The following NTM variants were observed in gnomAD, a reference collection of about 807,000 sequenced individuals.
NTM encodes IgLON family member 2.
NTM carries 13 observed loss-of-function variants against 42.1 expected under a neutral mutation model. The ratio of observed to expected loss-of-function variants is 0.31; its 90% confidence interval spans 0.20 to 0.49. The LOEUF (loss-of-function observed/expected upper bound fraction) is 0.49, where lower values mean the gene tolerates loss of function less well. Among genes scored for constraint, NTM ranks in the 20% least tolerant of loss-of-function variants. The pLI is 0.99. For missense variants in NTM, 373 were observed against 452.8 expected, an observed-to-expected ratio of 0.82 and a Z score of 1.60; for synonymous variants, 187 against 179.2, an observed-to-expected ratio of 1.04 and a Z score of -0.35.
intron 1 of NTM, among the ~76,000 whole-genome samples, chr11:131,482,066 C>T (rs1953656604): frequency 6.6e-6 from 1 of 152,176 alleles, no homozygotes; most frequent in Non-Finnish European, 1.5e-5. Context: ...TATAATTAAC[C>T]TAGTTGGAAT....
chr11:131,850,529 T>G (rs982805203), intron 1 of NTM, among the ~76,000 whole-genome samples: 3 of 152,200 alleles, frequency 2.0e-5, no homozygotes, highest in African/African-American at 7.2e-5. Flanking sequence ...TTTCCTTTCC[T>G]TAAAATGAAA....
At chr11:132,219,146 C>T (rs184142538) in intron 4 of NTM, among the ~76,000 whole-genome samples, 13 of 152,258 alleles carry the variant, frequency 8.5e-5, no homozygotes, top group Non-Finnish European at 1.8e-4. Flanking sequence ...CTTCCATCCC[C>T]CCTACTTCTT....
At chr11:131,757,167 T>C (rs1016029208) in intron 1 of NTM, among the ~76,000 whole-genome samples, 5 of 152,322 alleles carry the variant, frequency 3.3e-5, no homozygotes, top group African/African-American at 1.2e-4. Context: ...TTCCACCCAA[T>C]AGGCCCAGTG....
chr11:132,235,918 G>A (rs2088752690), intron 4 of NTM, among the ~76,000 whole-genome samples: 1 of 151,662 alleles, frequency 6.6e-6, no homozygotes, highest in African/African-American at 2.4e-5. Context: ...GACCCTTTTT[G>A]GAATACATGT....
chr11:131,991,911 A>G (rs752677462), intron 2 of NTM, among the ~76,000 whole-genome samples: 2 of 150,630 alleles, frequency 1.3e-5, no homozygotes, highest in Non-Finnish European at 3.0e-5. Flanking sequence ...AGGTAAAGAC[A>G]GAAGTCATAT....
At chr11:132,283,288 A>G (rs1225567284) in intron 4 of NTM, among the ~76,000 whole-genome samples, 4 of 152,244 alleles carry the variant, frequency 2.6e-5, no homozygotes, top group Admixed American at 6.5e-5. Context: ...CCGGGTCAAC[A>G]GGGGCAATTT....
At chr11:131,577,739 A>G (rs937922778) in intron 1 of NTM, among the ~76,000 whole-genome samples, 1 of 152,228 alleles carries the variant, frequency 6.6e-6, no homozygotes, top group Non-Finnish European at 1.5e-5. Flanking sequence ...CTCTAAAGCC[A>G]TGGAATTTTC....
chr11:132,120,808 GTTTA>G (rs2064681866), intron 2 of NTM, among the ~76,000 whole-genome samples: 1 of 152,104 alleles, frequency 6.6e-6, no homozygotes, highest in Non-Finnish European at 1.5e-5. Context: ...CTACTGTACA[GTTTA>G]TTTGTCGTCT....
chr11:132,314,584 A>C lies in NTM; in HGVS notation c.815A>C (p.Glu272Ala), dbSNP rs767260051. The change falls in exon 7 of 9, where the codon GAA becomes GCA. Residue 272 changes from glutamate to alanine, a missense_variant. Glu to Ala is a moderately radical substitution (Grantham distance 107). Transcript: ENST00000683400. ...GAAGGAAAGAAAGGGGTGAAAGTGG[A>C]AAACAGACCTTTCCTCTCAAAACTC... Reference protein sequence around the residue: ...LIEGKKGVKVENRPFLSKLIF... With the variant: ...LIEGKKGVKVANRPFLSKLIF... 6.2e-7 allele frequency: 1 copy of C among 1,613,474 alleles called. No individual in the cohort carries two copies. Among genetic ancestry groups the C allele is most frequent in the South Asian group, 1.1e-5 (1 of 90,872 alleles).
intron 4 of NTM, among the ~76,000 whole-genome samples, chr11:132,273,192 T>C (rs1404337392): frequency 6.6e-6 from 1 of 151,990 alleles, no homozygotes; most frequent in Non-Finnish European, 1.5e-5. Context: ...TCTGTTGAAA[T>C]GGTATATTAT....
At chr11:131,439,065 G>A (rs892120334) in intron 1 of NTM, among the ~76,000 whole-genome samples, 3 of 152,182 alleles carry the variant, frequency 2.0e-5, no homozygotes, top group Non-Finnish European at 4.4e-5. Context: ...GTCTGTTGGA[G>A]TTTGCTGGAG....
intron 1 of NTM, among the ~76,000 whole-genome samples, chr11:131,671,915 G>T (rs772369353): frequency 6.6e-6 from 1 of 152,100 alleles, no homozygotes; most frequent in East Asian, 1.9e-4. Context: ...GCTTGGCTCC[G>T]GGACAAAGAG....
chr11:132,142,862 C>A lies in NTM; in HGVS notation c.168-3420C>A, dbSNP rs900642235. On this transcript the variant is annotated intron_variant, in intron 2 of 8. Transcript: ENST00000683400. ...TGTAGTGCGGTGCAGTGTTGGGGGA[C>A]GGCTTCCGTTTCTGTCAATTTTCAA... 2.6e-5 allele frequency among the ~76,000 whole-genome samples: 4 copies of A among 152,220 alleles called. 1 individual carries two copies. Among genetic ancestry groups the A allele is most frequent in the Middle Eastern group, 6.8e-3 (2 of 294 alleles).
chr11:131,461,025 T>C (rs933529175), intron 1 of NTM, among the ~76,000 whole-genome samples: 1 of 152,224 alleles, frequency 6.6e-6, no homozygotes, highest in African/African-American at 2.4e-5. Context: ...CAGTACAAAA[T>C]ATTTGTATTC....
chr11:131,931,447 A>AAAT (rs1161161559), intron 2 of NTM, among the ~76,000 whole-genome samples: 15 of 150,450 alleles, frequency 1.0e-4, no homozygotes, highest in African/African-American at 2.5e-4. Context: ...TCAAAAAAAA[A>AAAT]AATAATAATA....
intron 1 of NTM, among the ~76,000 whole-genome samples, chr11:131,446,849 T>G (rs535877862): frequency 6.6e-6 from 1 of 152,334 alleles, no homozygotes; most frequent in South Asian, 2.1e-4. Flanking sequence ...CTAGAGTATT[T>G]CTAGGACACA....
intron 4 of NTM, among the ~76,000 whole-genome samples, chr11:132,271,844 T>G (rs986825249): frequency 6.6e-6 from 1 of 152,042 alleles, no homozygotes; most frequent in African/African-American, 2.4e-5. Context: ...TCTTTGTCAT[T>G]TCACTTTCTT....
chr11:131,816,571 G>T (rs530496736), intron 1 of NTM, among the ~76,000 whole-genome samples: 2 of 151,398 alleles, frequency 1.3e-5, no homozygotes, highest in East Asian at 3.9e-4. Flanking sequence ...GGAATTTAAA[G>T]ATTATTAGTC....
chr11:131,477,066 A>G (rs1294720349), intron 1 of NTM, among the ~76,000 whole-genome samples: 2 of 152,024 alleles, frequency 1.3e-5, no homozygotes, highest in African/African-American at 4.8e-5. Context: ...TGATGGTTTG[A>G]CCCAGACTCT....
Sources: allele counts gnomAD v4.1 joint callset (sites outside exome capture counted in the v4.1 genomes callset), GRCh38; gene constraint gnomAD v4.1.1; transcripts MANE v1.5; gene names NCBI Gene and HGNC (gene_info 2026-07-23, HGNC 2026-07-21).